ROR1: variants seen among roughly 807,000 people sequenced by gnomAD.
ROR1 encodes inactive tyrosine-protein kinase transmembrane receptor ROR1.
In ROR1, 19 loss-of-function variants were observed where a neutral mutation model predicts 78.8. That is an observed-to-expected ratio of 0.24 (90% CI 0.17 to 0.35). ROR1 has a LOEUF of 0.35. ROR1 is among the 10% of genes least tolerant of loss of function. The pLI, the probability that ROR1 is intolerant of heterozygous loss-of-function variation, is 1.00. For missense variants in ROR1, 917 were observed against 1,177.8 expected (o/e 0.78, Z 3.24); for synonymous variants, 386 against 433.6 (o/e 0.89, Z 1.36).
chr1:64,162,236 T>C (rs1157763862), intron 8 of ROR1, among the ~76,000 whole-genome samples: 24 of 152,186 alleles, frequency 1.6e-4, no homozygotes, highest in Non-Finnish European at 3.2e-4. Flanking sequence ...AATGTGCCCT[T>C]CAGGGTTTAA....
At chr1:63,884,413 G>T (rs637420) in intron 1 of ROR1, among the ~76,000 whole-genome samples, 140,183 of 152,168 alleles carry the variant, frequency 0.92, 64,639 homozygotes, top group East Asian at 1. Flanking sequence ...GCCATGATCT[G>T]AGGATACCAC....
intron 1 of ROR1, among the ~76,000 whole-genome samples, chr1:63,838,987 C>T (rs1038318915): frequency 6.6e-6 from 1 of 152,174 alleles, no homozygotes; most frequent in Non-Finnish European, 1.5e-5. Context: ...TAGGCCATAT[C>T]ATAAAGCCTA....
intron 1 of ROR1, among the ~76,000 whole-genome samples, chr1:63,847,869 A>T (rs1441515197): frequency 6.6e-6 from 1 of 152,136 alleles, no homozygotes; most frequent in Admixed American, 6.5e-5. Context: ...TAGATGGTGC[A>T]TGGGGATGAT....
intron 1 of ROR1, among the ~76,000 whole-genome samples, chr1:63,828,854 A>T (rs1333870227): frequency 6.6e-6 from 1 of 152,178 alleles, no homozygotes; most frequent in Non-Finnish European, 1.5e-5. Context: ...CTCCTGCTTC[A>T]GCACTTTGGA....
rs60290134 is a variant in ROR1 at position 64,180,352 on chromosome 1, G to C, written c.*1497G>C. The C allele has an allele frequency of 1.3e-5, 2 of 152,098 alleles. No homozygotes were observed. Among genetic ancestry groups the C allele is most frequent in the Non-Finnish European group, 2.9e-5 (2 of 68,022 alleles). 9.4% of individuals were successfully genotyped at this position (152,098 alleles called of 1,614,324 possible). A position where few individuals can be genotyped will look rare whatever the true frequency, so the allele number is the denominator to read the frequency against. On this transcript the variant is annotated 3_prime_UTR_variant, in exon 9 of 9. Coordinates refer to ENST00000371079, the MANE Select transcript of ROR1 (RefSeq NM_005012.4). ...ATAAGAGACTTCTAAAGAGACTTAC[G>C]GGATATAAAAGTAATTCCTGGAAAT...
intron 2 of ROR1, among the ~76,000 whole-genome samples, chr1:64,039,464 G>A (rs1440649774): frequency 6.6e-6 from 1 of 152,192 alleles, no homozygotes; most frequent in Non-Finnish European, 1.5e-5. Flanking sequence ...TCAAATGCTT[G>A]AGAATTTATT....
intron 1 of ROR1, among the ~76,000 whole-genome samples, chr1:63,840,316 G>A (rs1645041682): frequency 7.2e-6 from 1 of 138,292 alleles, no homozygotes; most frequent in African/African-American, 2.7e-5. Context: ...TTTCACTCTT[G>A]TTGCCCAGGC....
At chr1:63,779,284 C>T (rs935094297) in intron 1 of ROR1, among the ~76,000 whole-genome samples, 1 of 152,138 alleles carries the variant, frequency 6.6e-6, no homozygotes, top group East Asian at 1.9e-4. Flanking sequence ...GCTGAGAAGG[C>T]GGGGATTTAT....
intron 4 of ROR1, among the ~76,000 whole-genome samples, 199 bp from the exon 5 acceptor site, chr1:64,137,170 G>A (rs1376064694): frequency 2.0e-5 from 3 of 152,176 alleles, no homozygotes; most frequent in African/African-American, 7.2e-5. Context: ...ATGACTTTCT[G>A]GGGGTGTAGG....
At chr1:64,033,836 G>A (rs1403148983) in intron 2 of ROR1, among the ~76,000 whole-genome samples, 5 of 152,276 alleles carry the variant, frequency 3.3e-5, no homozygotes, top group East Asian at 1.9e-4. Flanking sequence ...CATTTAATCC[G>A]TGTAACAGTC....
At chr1:63,983,399 G>A (rs1646226170) in intron 1 of ROR1, among the ~76,000 whole-genome samples, 1 of 152,172 alleles carries the variant, frequency 6.6e-6, no homozygotes, top group East Asian at 1.9e-4. Context: ...TTTCAGCTGT[G>A]CCTATGCTGC....
At chr1:64,127,380 G>T (rs1490869367) in intron 4 of ROR1, among the ~76,000 whole-genome samples, 1 of 152,082 alleles carries the variant, frequency 6.6e-6, no homozygotes, top group East Asian at 1.9e-4. Context: ...CTGGTACAAG[G>T]TAGGCGTATA....
intron 1 of ROR1, among the ~76,000 whole-genome samples, chr1:63,809,127 G>A (rs778909677): frequency 6.6e-6 from 1 of 152,156 alleles, no homozygotes; most frequent in African/African-American, 2.4e-5. Context: ...GGCAAGGCAT[G>A]GCAATCCCAT....
At chr1:63,990,430 G>A (rs1646285783) in intron 1 of ROR1, among the ~76,000 whole-genome samples, 2 of 152,148 alleles carry the variant, frequency 1.3e-5, no homozygotes, top group African/African-American at 4.8e-5. Flanking sequence ...CCTTAGGAGG[G>A]TGAATAGAGT....
intron 1 of ROR1, among the ~76,000 whole-genome samples, chr1:63,920,519 C>A (rs1452082996): frequency 6.6e-6 from 1 of 152,164 alleles, no homozygotes; most frequent in Non-Finnish European, 1.5e-5. Context: ...ATTCAGGAGG[C>A]CTGTCCATCA....
At chr1:63,958,091 ATTCT>A (rs1645998213) in intron 1 of ROR1, among the ~76,000 whole-genome samples, 2 of 152,054 alleles carry the variant, frequency 1.3e-5, no homozygotes, top group African/African-American at 2.4e-5. Context: ...ACAATTCCTC[ATTCT>A]TTCTAACAGC....
At chr1:63,928,063 T>C (rs1645720739) in intron 1 of ROR1, among the ~76,000 whole-genome samples, 1 of 151,966 alleles carries the variant, frequency 6.6e-6, no homozygotes, top group African/African-American at 2.4e-5. Flanking sequence ...CTTGTCCTCA[T>C]GGAAGTCACC....
intron 1 of ROR1, among the ~76,000 whole-genome samples, chr1:63,799,581 A>T (rs1644783031): frequency 6.6e-6 from 1 of 152,148 alleles, no homozygotes; most frequent in Admixed American, 6.5e-5. Context: ...CAAATTGGAA[A>T]TGGATTATGG....
chr1:64,042,213 A>G (rs1013569755), intron 2 of ROR1, among the ~76,000 whole-genome samples: 1 of 152,162 alleles, frequency 6.6e-6, no homozygotes, highest in Non-Finnish European at 1.5e-5. Flanking sequence ...AAAAATGCTC[A>G]TGTCTGGATT....
Sources: gnomAD v4.1 joint callset for allele counts (sites outside exome capture counted in the v4.1 genomes callset) on GRCh38, gnomAD v4.1.1 for gene constraint, MANE v1.5 for transcripts, NCBI Gene and HGNC (gene_info 2026-07-23, HGNC 2026-07-21) for gene names.